The following COL6A1 variants were observed in gnomAD, a reference collection of about 807,000 sequenced individuals.
COL6A1 encodes the protein collagen type VI alpha 1 chain, also known as collagen alpha-1(VI) chain.
A neutral mutation model predicts 145.6 loss-of-function variants in COL6A1; 80 were observed. That is an observed-to-expected ratio of 0.55 (90% CI 0.46 to 0.66). The LOEUF is 0.66. COL6A1 is among the 30% of genes least tolerant of loss of function. The probability of loss-of-function intolerance (pLI) is 0.00; values close to 1 mark genes in which losing one functional copy is unlikely to be tolerated. For synonymous variants in COL6A1, 638 were observed against 622.8 expected (o/e 1.02, Z -0.36); for missense variants, 1,364 against 1,473.8 (o/e 0.93, Z 1.22).
In COL6A1 at chr21:45,982,779, C is replaced by G. The variant is rs371183268; in HGVS notation, c.227+16C>G. ...TGAGGGACAGGTAGGAGGGACGCCC[C>G]GTGACCTTCCTCCTGTGCTTCTGGG... On this transcript the variant is annotated intron_variant, in intron 2 of 34. Transcript: ENST00000361866. 7 of 1,610,930 alleles carry G rather than the reference C, an allele frequency of 4.3e-6. No homozygotes were observed. The highest frequency in any genetic ancestry group is 1.3e-5 in the African/African-American group (1 of 74,940).
chr21:46,000,134 G>A (rs1420151779), intron 27 of COL6A1, among the ~76,000 whole-genome samples, 197 bp from the exon 28 acceptor site: 1 of 151,584 alleles, frequency 6.6e-6, no homozygotes, highest in Non-Finnish European at 1.5e-5. Context: ...TGACTGCGCT[G>A]TTTCTATGAC....
At chr21:45,995,898 T>C (rs971610839) in intron 20 of COL6A1, among the ~76,000 whole-genome samples, 2 of 151,612 alleles carry the variant, frequency 1.3e-5, no homozygotes, top group Admixed American at 6.6e-5. Context: ...GCCACATTTG[T>C]CCATCGGGAC....
At chr21:45,999,792 C>CAG in intron 27 of COL6A1, 100 bp downstream of exon 27, 1 of 831,590 alleles carries the variant, frequency 1.2e-6, no homozygotes, top group Non-Finnish European at 1.8e-6. Context: ...ACGCTGCTCA[C>CAG]GGGGGGGTGG....
In COL6A1 at chr21:46,002,695, G is replaced by A. The variant is rs143925936; in HGVS notation, c.2419G>A (p.Ala807Thr). ...GGATGCCTTCCTGAAGAATGTCACC[G>A]CCCAGATCTGCATAGGTGCGCATGG... ...LEDAFLKNVT[A>T]QICIDKKCPD... Residue 807 changes from alanine to threonine, a missense_variant, in exon 33 of 35, where the codon GCC becomes ACC. This residue lies in a region of COL6A1 where 938 missense variants were observed against 1,003.8 expected (regional missense o/e 0.93). Coordinates refer to ENST00000361866, the MANE Select transcript of COL6A1 (RefSeq NM_001848.3). 1.4e-5 allele frequency: 23 copies of A among 1,613,296 alleles called. No individual in the cohort carries two copies. The highest frequency in any genetic ancestry group is 5.0e-5 in the Admixed American group (3 of 60,030).
Position 45,986,893 on chromosome 21 carries a change from G to A in COL6A1, c.589-51G>A, listed in dbSNP as rs111887380. 2.4e-4 allele frequency: 362 copies of A among 1,535,686 alleles called. 2 individuals are homozygous for A. In the African/African-American group the frequency reaches 4.0e-3, roughly 17 times the overall value. ...CTCTGGCCCTGTGGGAAGCGGCCCC[G>A]GCCGTCAGGGGTCCCAGCCCTGCTC... On this transcript the variant is annotated intron_variant, in intron 4 of 34. Transcript: ENST00000361866.
intron 33 of COL6A1, 44 bp from the exon 34 acceptor site, chr21:46,003,076 G>C (rs1444691053): frequency 1.9e-6 from 3 of 1,613,950 alleles, no homozygotes; most frequent in South Asian, 2.2e-5. Context: ...CGGGGTTATA[G>C]GTGGAGCAGT....
Position 46,003,330 on chromosome 21 carries a change from C to T in COL6A1, c.2465-61C>T, listed in dbSNP as rs367659906. Reference sequence around the variant, plus strand: ...CTGGGGAGCTTAGACGCTCTCTGGCCGGCCCACTGCGGCTGCATCACCAGG... The same window carrying T: ...CTGGGGAGCTTAGACGCTCTCTGGCTGGCCCACTGCGGCTGCATCACCAGG... On this transcript the variant is annotated intron_variant, in intron 34 of 34. Transcript: ENST00000361866. The T allele has an allele frequency of 5.8e-4, 933 of 1,600,146 alleles. 2 individuals carry two copies. In the African/African-American group the frequency reaches 0.01, roughly 18 times the overall value.
chr21:45,994,278 G>A lies in COL6A1; in HGVS notation c.1398+49G>A. 1 of 1,552,586 alleles carries A rather than the reference G, an allele frequency of 6.4e-7. No individual in the cohort carries two copies. Among genetic ancestry groups the A allele is most frequent in the Non-Finnish European group, 8.8e-7 (1 of 1,137,034 alleles). ...GGGCGTTGGCCAATTTGGGTTTTGG[G>A]GGTAGAAGTGCTCCAGCAGCTCACG... is the stretch of plus-strand genomic sequence containing the variant. On this transcript the variant is annotated intron_variant, in intron 20 of 34. Coordinates refer to ENST00000361866, the MANE Select transcript of COL6A1 (RefSeq NM_001848.3). The surrounding 1 kb of genome is among the most constrained non-coding windows in gnomAD (Gnocchi z 6.8).
intron 2 of COL6A1, among the ~76,000 whole-genome samples, chr21:45,983,441 G>T (rs904304664): frequency 7.9e-5 from 12 of 152,136 alleles, no homozygotes; most frequent in Middle Eastern, 3.2e-3. Context: ...ACGGGTCCTG[G>T]CAGTGGGGAC....
intron 15 of COL6A1, 78 bp downstream of exon 15, chr21:45,991,119 C>A: frequency 6.6e-7 from 1 of 1,504,146 alleles, no homozygotes; most frequent in East Asian, 2.3e-5. Context: ...CTCCTGGAAG[C>A]AAGTCCTGGT....
chr21:45,993,002 A>T (rs1192671118), intron 19 of COL6A1, among the ~76,000 whole-genome samples, 192 bp downstream of exon 19: 2 of 152,162 alleles, frequency 1.3e-5, no homozygotes, highest in East Asian at 3.9e-4. Context: ...TGATGCTGGG[A>T]CCTGTTTCAT....
Position 45,989,912 on chromosome 21 carries a change from C to T in COL6A1, c.930+134C>T, listed in dbSNP as rs574632278. ...CCTGCAGACCCGCTCCACCGCCCCT[C>T]GCCGTCCCCTCCATCTGGAAGGACA... is the stretch of plus-strand genomic sequence containing the variant. On this transcript the variant is annotated intron_variant, in intron 11 of 34. Transcript: ENST00000361866. 46 of 1,204,168 alleles carry T rather than the reference C, an allele frequency of 3.8e-5. No individual in the cohort carries two copies. In the East Asian group the frequency reaches 7.3e-4, roughly 19 times the overall value. 74.6% of individuals were successfully genotyped at this position (1,204,168 alleles called of 1,614,324 possible). A position where few individuals can be genotyped will look rare whatever the true frequency, so the allele number is the denominator to read the frequency against.
rs1423443362 is a variant in COL6A1, at chr21:45,992,072, G to A, written c.1182G>A (p.Glu394=). ...GGAGCTCGGGACCATCTGGAGACGA[G>A]GTGAGGAGCTTCACAGCCCCCACAC... ...RPGSSGPSGD[E]GQPGEPGPPG... Residue 394 remains glutamate, a splice_region_variant and synonymous_variant, in exon 16 of 35, where the codon GAG becomes GAA. Transcript: ENST00000361866. The A allele has an allele frequency of 6.2e-7, 1 of 1,612,724 alleles. No homozygotes were observed. Among genetic ancestry groups the A allele is most frequent in the Non-Finnish European group, 8.5e-7 (1 of 1,179,666 alleles).
rs763249171 is a variant in COL6A1 at position 45,990,231 on chromosome 21, C to T, written c.931-27C>T. On this transcript the variant is annotated intron_variant, in intron 11 of 34. Transcript: ENST00000361866. Reference sequence around the variant, plus strand: ...CCTGCCCTCCCCACCCCAAATACCCCCTCACACCCGCTTCCTGTCTCCGCA... The same window carrying T: ...CCTGCCCTCCCCACCCCAAATACCCTCTCACACCCGCTTCCTGTCTCCGCA... The T allele has an allele frequency of 1.9e-5, 30 of 1,612,702 alleles. No homozygotes were observed. In the East Asian group the frequency reaches 3.3e-4, roughly 18 times the overall value.
rs374491725 is a variant in COL6A1, at chr21:45,998,918, C to T, written c.1633C>T (p.Leu545Phe). 2 of 1,556,172 alleles carry T rather than the reference C, an allele frequency of 1.3e-6. No individual in the cohort carries two copies. Among genetic ancestry groups the T allele is most frequent in the Admixed American group, 1.9e-5 (1 of 51,340 alleles). ...GINGTKGYPG[L>F]KGDEGEAGDP... is the part of the protein sequence containing the mutation. ...GCAGGGCACGAAGGGCTACCCCGGCCTCAAGGGGGACGAGGGAGAAGCCGG... is the reference window on the plus strand; with the variant it reads ...GCAGGGCACGAAGGGCTACCCCGGCTTCAAGGGGGACGAGGGAGAAGCCGG... The change falls in exon 25 of 35, where the codon CTC becomes TTC. Residue 545 changes from leucine (L) to phenylalanine (F), a missense_variant. By Grantham distance (22) the Leu-to-Phe change is conservative (BLOSUM62 0). Around this residue, in one of 3 missense-constraint regions of COL6A1, gnomAD observed 938 missense variants for 1,003.8 expected, o/e 0.93. Transcript: ENST00000361866.
Position 45,998,150 on chromosome 21 carries a change from C to T in COL6A1, c.1554C>T (p.Thr518=), listed in dbSNP as rs9637170. Residue 518 remains threonine, a synonymous_variant, in exon 23 of 35, where the codon ACC becomes ACT. Coordinates refer to ENST00000361866, the MANE Select transcript of COL6A1 (RefSeq NM_001848.3). The part of the protein sequence containing the change: ...RGEDGPAGNG[T]EGFPGFPGYP... Reference sequence around the variant, plus strand: ...AAGACGGCCCCGCTGGAAATGGCACCGAGGGCTTCCCCGGCTTCCCCGTAA... The same window carrying T: ...AAGACGGCCCCGCTGGAAATGGCACTGAGGGCTTCCCCGGCTTCCCCGTAA... The T allele has an allele frequency of 9.9e-6, 16 of 1,612,324 alleles. No individual in the cohort carries two copies. The African/African-American group carries it at 1.2e-4, about 12-fold the overall frequency.
At chr21:46,000,101 C>T (rs2077834670) in intron 27 of COL6A1, among the ~76,000 whole-genome samples, 1 of 144,066 alleles carries the variant, frequency 6.9e-6, no homozygotes, top group Non-Finnish European at 1.5e-5. Context: ...TGAGGGGACC[C>T]GTGACGGCCA....
At position 45,997,044 on chromosome 21, in the gene COL6A1, C is replaced by T. The variant is rs1481236784; in HGVS notation, c.1399-377C>T. Among the ~76,000 whole-genome samples the T allele has an allele frequency of 3.9e-5, 6 of 152,178 alleles. No individual in the cohort carries two copies. The East Asian group carries it at 1.2e-3, about 29-fold the overall frequency. On this transcript the variant is annotated intron_variant, in intron 20 of 34. Coordinates refer to ENST00000361866, the MANE Select transcript of COL6A1 (RefSeq NM_001848.3). ...TCTGCGGCCTGGGGACCTGTAGCCT[C>T]ACCCCTCCGTGGGGACCTGAGGCAC... is the stretch of plus-strand genomic sequence containing the variant.
chr21:46,000,676 G>T, intron 28 of COL6A1, 83 bp from the exon 29 acceptor site: 1 of 1,570,594 alleles, frequency 6.4e-7, no homozygotes. Context: ...GAGGCGGGGA[G>T]GCTGCCCCAA....
Sources: gnomAD v4.1 joint callset for allele counts (sites outside exome capture counted in the v4.1 genomes callset) on GRCh38, gnomAD v4.1.1 for gene constraint, gnomAD v4.1.1 regional missense constraint, Gnocchi (gnomAD v3.1) non-coding constraint, MANE v1.5 for transcripts, NCBI Gene and HGNC (gene_info 2026-07-23, HGNC 2026-07-21) for gene names.